Variants in UGGT2 observed in about 807,000 individuals in gnomAD.
UGGT2 encodes UDP-glucose:glycoprotein glucosyltransferase 2.
In UGGT2, 180 loss-of-function variants were observed where a neutral mutation model predicts 192.1. The observed-to-expected ratio is 0.94, with a 90% CI of 0.83 to 1.06. UGGT2 has a LOEUF of 1.06. Ranked by LOEUF, UGGT2 falls within the 50% of genes least tolerant of loss-of-function variation. The pLI is 0.00. For synonymous variants in UGGT2, 580 were observed against 591.0 expected (o/e 0.98, Z 0.27); for missense variants, 1,849 against 1,795.7 (o/e 1.03, Z -0.54).
chr13:96,015,820 G>C (rs552078321), intron 4 of UGGT2, among the ~76,000 whole-genome samples: 14 of 152,276 alleles, frequency 9.2e-5, no homozygotes, highest in Admixed American at 2.0e-4. Context: ...AGTTCAATTA[G>C]ATATTGTTTA....
intron 1 of UGGT2, among the ~76,000 whole-genome samples, chr13:96,035,622 AACCTACAG>A (rs1323307255): frequency 6.6e-6 from 1 of 152,242 alleles, no homozygotes; most frequent in Non-Finnish European, 1.5e-5. Flanking sequence ...GTGAACACAC[AACCTACAG>A]AATGGGAGAA....
chr13:96,013,308 T>C lies in UGGT2; in HGVS notation c.659A>G (p.Gln220Arg). Residue 220 changes from glutamine (Q) to arginine (R), a missense_variant and splice_region_variant, in exon 5 of 39, where the codon CAG (glutamine) becomes CGG (arginine). Gln to Arg is a conservative substitution (Grantham distance 43). Coordinates refer to ENST00000376747, the MANE Select transcript of UGGT2 (RefSeq NM_020121.4). ...ACCTTGGAAAAAACAAGCGCATACC[T>C]GAATATAATGGCGAAGAACATACAG... is the stretch of plus-strand genomic sequence containing the variant. ...EILYVLRHYI[Q>R]KPSSRKMYLS... The C allele has an allele frequency of 6.3e-7, 1 of 1,578,280 alleles. No homozygotes were observed. Among genetic ancestry groups the C allele is most frequent in the Non-Finnish European group, 8.5e-7 (1 of 1,169,890 alleles).
At chr13:95,900,516 C>T (rs1425695487) in intron 22 of UGGT2, among the ~76,000 whole-genome samples, 1 of 152,122 alleles carries the variant, frequency 6.6e-6, no homozygotes, top group Non-Finnish European at 1.5e-5. Context: ...TGAAGATGTG[C>T]ATTAAGTTGT....
chr13:95,903,175 C>G (rs2048162557), intron 20 of UGGT2, 115 bp from the exon 21 acceptor site: 1 of 949,724 alleles, frequency 1.1e-6, no homozygotes, highest in Non-Finnish European at 1.5e-6. Context: ...CTTTCACTAT[C>G]AAAGCCCTCC....
intron 20 of UGGT2, among the ~76,000 whole-genome samples, chr13:95,909,904 C>T (rs187967597): frequency 5.1e-4 from 77 of 150,792 alleles, no homozygotes; most frequent in African/African-American, 1.7e-3. Flanking sequence ...CAGCAGAAAC[C>T]CTACAAGCCA....
intron 17 of UGGT2, among the ~76,000 whole-genome samples, chr13:95,934,791 G>A (rs1001453027): frequency 6.6e-6 from 1 of 152,188 alleles, no homozygotes; most frequent in African/African-American, 2.4e-5. Context: ...TTACAGGCAT[G>A]AACCACCATT....
chr13:95,903,444 C>G (rs945155735), intron 20 of UGGT2, among the ~76,000 whole-genome samples: 1 of 152,278 alleles, frequency 6.6e-6, no homozygotes. Context: ...TGTCAATTAC[C>G]ACACCCTCCC....
chr13:95,905,768 T>G (rs1214710962), intron 20 of UGGT2, among the ~76,000 whole-genome samples: 2 of 152,216 alleles, frequency 1.3e-5, no homozygotes. Flanking sequence ...TAGGATTGAC[T>G]TGGTGATGCG....
intron 13 of UGGT2, among the ~76,000 whole-genome samples, chr13:95,948,518 T>C (rs973657857): frequency 1.3e-5 from 2 of 152,312 alleles, no homozygotes; most frequent in East Asian, 3.9e-4. Flanking sequence ...AAATATCTTA[T>C]TCATTTCCTA....
intron 26 of UGGT2, among the ~76,000 whole-genome samples, chr13:95,886,891 A>G (rs2047660716): frequency 6.6e-6 from 1 of 151,942 alleles, no homozygotes; most frequent in Non-Finnish European, 1.5e-5. Context: ...AAAATACAAA[A>G]CAAAACAAAA....
At chr13:95,999,133 A>G (rs551242852) in intron 6 of UGGT2, 78 bp downstream of exon 6, 1 of 1,089,300 alleles carries the variant, frequency 9.2e-7, no homozygotes, top group East Asian at 2.4e-5. Flanking sequence ...GATTATACTC[A>G]TTAAATTTTT....
chr13:96,037,262 G>C (rs912539340), intron 1 of UGGT2, among the ~76,000 whole-genome samples: 13 of 152,174 alleles, frequency 8.5e-5, no homozygotes, highest in Admixed American at 1.3e-4. Context: ...GCAGTGGTGC[G>C]ATCTTGACTC....
intron 5 of UGGT2, among the ~76,000 whole-genome samples, chr13:96,005,694 A>G (rs2051951576): frequency 6.6e-6 from 1 of 152,222 alleles, no homozygotes; most frequent in African/African-American, 2.4e-5. Flanking sequence ...AATTTACAGT[A>G]TGCCTAGAAA....
At chr13:95,821,543 G>C (rs1471641656) in intron 38 of UGGT2, among the ~76,000 whole-genome samples, 3 of 152,122 alleles carry the variant, frequency 2.0e-5, no homozygotes, top group Admixed American at 6.5e-5. Context: ...GGTTTAGTCT[G>C]ATGATTATTT....
intron 20 of UGGT2, among the ~76,000 whole-genome samples, chr13:95,908,096 A>T (rs1233943350): frequency 1.3e-5 from 2 of 152,230 alleles, no homozygotes; most frequent in African/African-American, 4.8e-5. Context: ...GAACTTCGTG[A>T]CACATGCACA....
At chr13:95,903,569 T>C (rs1003327139) in intron 20 of UGGT2, among the ~76,000 whole-genome samples, 1 of 151,922 alleles carries the variant, frequency 6.6e-6, no homozygotes, top group African/African-American at 2.4e-5. Context: ...TTAAATTTCA[T>C]ATAAATGGAG....
chr13:95,936,821 T>C, intron 17 of UGGT2, 103 bp downstream of exon 17: 1 of 1,123,786 alleles, frequency 8.9e-7, no homozygotes, highest in Non-Finnish European at 1.2e-6. Flanking sequence ...ATGATCAGAA[T>C]GGAAATTTTT....
At chr13:95,968,529 G>C (rs2050662581) in intron 12 of UGGT2, among the ~76,000 whole-genome samples, 1 of 152,082 alleles carries the variant, frequency 6.6e-6, no homozygotes, top group Admixed American at 6.6e-5. Flanking sequence ...TGTTGTCTTT[G>C]TGATGTGACT....
chr13:95,925,139 A>C (rs1380241482), intron 20 of UGGT2, among the ~76,000 whole-genome samples: 1 of 152,230 alleles, frequency 6.6e-6, no homozygotes. Flanking sequence ...TTAACTTAGA[A>C]ATACAGACAG....
Sources: allele counts gnomAD v4.1 joint callset (sites outside exome capture counted in the v4.1 genomes callset), GRCh38; gene constraint gnomAD v4.1.1; transcripts MANE v1.5; gene names NCBI Gene and HGNC (gene_info 2026-07-23, HGNC 2026-07-21).